Variants in ST8SIA4 observed in about 807,000 individuals in gnomAD.
The protein encoded by ST8SIA4 is ST8 alpha-N-acetyl-neuraminide alpha-2,8-sialyltransferase 4, also known as CMP-N-acetylneuraminate-poly-alpha-2,8-sialyltransferase.
Under a neutral mutation model 33.9 loss-of-function variants are expected in ST8SIA4, and 15 were observed. The ratio of observed to expected loss-of-function variants is 0.44; its 90% confidence interval spans 0.30 to 0.68. The LOEUF is 0.68. Among genes scored for constraint, ST8SIA4 ranks in the 30% least tolerant of loss-of-function variants. The pLI, the probability that ST8SIA4 is intolerant of heterozygous loss-of-function variation, is 0.10. For missense variants in ST8SIA4, 321 were observed against 428.0 expected (o/e 0.75, Z 2.21); for synonymous variants, 171 against 151.2 (o/e 1.13, Z -0.96).
chr5:100,823,610 G>T (rs1392699264), intron 4 of ST8SIA4, among the ~76,000 whole-genome samples: 1 of 152,168 alleles, frequency 6.6e-6, no homozygotes, highest in Non-Finnish European at 1.5e-5. Flanking sequence ...TAACGAACTA[G>T]TGCCTGAATT....
At chr5:100,867,686 T>G (rs1454796467) in intron 3 of ST8SIA4, among the ~76,000 whole-genome samples, 2 of 152,030 alleles carry the variant, frequency 1.3e-5, no homozygotes, top group African/African-American at 4.8e-5. Context: ...ACAAAAAAAC[T>G]TAATACCATA....
chr5:100,862,747 T>C (rs1751975689), intron 3 of ST8SIA4, among the ~76,000 whole-genome samples: 1 of 152,194 alleles, frequency 6.6e-6, no homozygotes, highest in Admixed American at 6.5e-5. Flanking sequence ...GAGCATTCTC[T>C]GTGCTTTGCA....
chr5:100,828,323 T>A (rs1283553180), intron 4 of ST8SIA4, among the ~76,000 whole-genome samples: 1 of 152,194 alleles, frequency 6.6e-6, no homozygotes, highest in African/African-American at 2.4e-5. Flanking sequence ...TCCTCTTTTG[T>A]GCCAGGCAAG....
chr5:100,807,953 C>T lies in ST8SIA4; in HGVS notation c.*3894G>A, dbSNP rs1372188747. The T allele has an allele frequency of 6.6e-6, 1 of 152,098 alleles. No homozygotes were observed. Among genetic ancestry groups the T allele is most frequent in the East Asian group, 1.9e-4 (1 of 5,180 alleles). The allele number at this position is 152,098 out of a possible 1,614,324, so 9.4% of individuals were successfully genotyped here. ...TTCTTTCATCAAATACAAATAATAA[C>T]CCTCACTCAATTTTTAAAACATTGG... On this transcript the variant is annotated 3_prime_UTR_variant, in exon 5 of 5. Coordinates refer to ENST00000231461, the MANE Select transcript of ST8SIA4 (RefSeq NM_005668.6).
intron 4 of ST8SIA4, among the ~76,000 whole-genome samples, chr5:100,848,553 G>A (rs1453468356): frequency 6.7e-6 from 1 of 149,620 alleles, no homozygotes; most frequent in East Asian, 1.9e-4. Context: ...ACATAGAATT[G>A]TATATAATAT....
At chr5:100,859,148 G>A (rs563964212) in intron 3 of ST8SIA4, among the ~76,000 whole-genome samples, 30 of 152,202 alleles carry the variant, frequency 2.0e-4, no homozygotes, top group African/African-American at 7.2e-4. Context: ...CAGTAGACTT[G>A]TTGTGAGCAT....
intron 3 of ST8SIA4, among the ~76,000 whole-genome samples, chr5:100,859,236 T>C (rs1490676023): frequency 2.6e-5 from 4 of 152,112 alleles, no homozygotes; most frequent in Non-Finnish European, 5.9e-5. Flanking sequence ...CATTTTTCTT[T>C]ATAAAAAATT....
chr5:100,813,460 T>C (rs1228091045), intron 4 of ST8SIA4, among the ~76,000 whole-genome samples: 3 of 152,180 alleles, frequency 2.0e-5, no homozygotes, highest in Admixed American at 2.0e-4. Context: ...CTCTTTATTA[T>C]CACAATTGTT....
intron 4 of ST8SIA4, among the ~76,000 whole-genome samples, chr5:100,830,051 T>C (rs1227760366): frequency 6.6e-6 from 1 of 152,240 alleles, no homozygotes; most frequent in Non-Finnish European, 1.5e-5. Flanking sequence ...TTTAAGAGTA[T>C]ACTCATGTTA....
intron 3 of ST8SIA4, among the ~76,000 whole-genome samples, chr5:100,859,053 A>G (rs1751877335): frequency 1.3e-5 from 2 of 152,108 alleles, no homozygotes; most frequent in East Asian, 1.9e-4. Flanking sequence ...ATTTTTAGTC[A>G]TATAATTAGC....
chr5:100,894,364 C>T (rs1752735623), intron 2 of ST8SIA4, among the ~76,000 whole-genome samples: 2 of 151,832 alleles, frequency 1.3e-5, no homozygotes, highest in Non-Finnish European at 2.9e-5. Flanking sequence ...CATATTCTAC[C>T]CAGAAGTCAT....
chr5:100,878,728 T>C (rs1050435889), intron 3 of ST8SIA4, among the ~76,000 whole-genome samples: 5 of 152,192 alleles, frequency 3.3e-5, no homozygotes, highest in Non-Finnish European at 7.4e-5. Context: ...CATAATAAAA[T>C]GATAAAATTA....
intron 4 of ST8SIA4, among the ~76,000 whole-genome samples, chr5:100,825,578 C>T (rs1580450842): frequency 6.6e-6 from 1 of 152,282 alleles, no homozygotes; most frequent in East Asian, 1.9e-4. Flanking sequence ...GCGAAGGATA[C>T]TCAGTTTGAT....
At chr5:100,893,300 A>G (rs1036440458) in intron 2 of ST8SIA4, among the ~76,000 whole-genome samples, 1 of 152,122 alleles carries the variant, frequency 6.6e-6, no homozygotes, top group African/African-American at 2.4e-5. Flanking sequence ...GCTATAGCCA[A>G]TTCTAATTTT....
chr5:100,814,522 T>C (rs1343056474), intron 4 of ST8SIA4, among the ~76,000 whole-genome samples: 1 of 151,966 alleles, frequency 6.6e-6, no homozygotes, highest in Non-Finnish European at 1.5e-5. Context: ...ATCCTATTGA[T>C]TTCTAAAAAG....
At chr5:100,864,833 A>G (rs1411193385) in intron 3 of ST8SIA4, among the ~76,000 whole-genome samples, 1 of 152,192 alleles carries the variant, frequency 6.6e-6, no homozygotes, top group Non-Finnish European at 1.5e-5. Flanking sequence ...TGTATCCCAC[A>G]AAACAACCAA....
chr5:100,856,767 C>G (rs568448770), intron 3 of ST8SIA4, among the ~76,000 whole-genome samples: 16 of 152,300 alleles, frequency 1.1e-4, no homozygotes, highest in African/African-American at 3.8e-4. Flanking sequence ...AAACCACATG[C>G]TGCTCTACAA....
chr5:100,871,935 C>T (rs59490571), intron 3 of ST8SIA4, among the ~76,000 whole-genome samples: 34,940 of 151,838 alleles, frequency 0.23, 5,094 homozygotes, highest in Non-Finnish European at 0.32. Context: ...ATCTTTAGAA[C>T]ATTTCACTGT....
At chr5:100,832,542 T>G (rs1053010549) in intron 4 of ST8SIA4, among the ~76,000 whole-genome samples, 1 of 152,150 alleles carries the variant, frequency 6.6e-6, no homozygotes, top group East Asian at 1.9e-4. Context: ...TTTCAGTTAA[T>G]GTAGGTTACT....
Sources: gnomAD v4.1 joint callset for allele counts (sites outside exome capture counted in the v4.1 genomes callset) on GRCh38, gnomAD v4.1.1 for gene constraint, MANE v1.5 for transcripts, NCBI Gene and HGNC (gene_info 2026-07-23, HGNC 2026-07-21) for gene names.